The following TENT5D variants were observed in gnomAD, a reference collection of about 807,000 sequenced individuals.
TENT5D encodes terminal nucleotidyltransferase 5D.
For synonymous variants in TENT5D, 103 were observed against 100.6 expected, an observed-to-expected ratio of 1.02 and a Z score of -0.15; for missense variants, 191 against 287.0, an observed-to-expected ratio of 0.67 and a Z score of 2.42.
chrX:80,435,166 A>AT (rs1932161965), intron 1 of TENT5D, among the ~76,000 whole-genome samples: 1 of 111,900 alleles, frequency 8.9e-6, no homozygotes, highest in Non-Finnish European at 1.9e-5. Context: ...ATGATACAGT[A>AT]TTTTGTGATG....
intron 3 of TENT5D, among the ~76,000 whole-genome samples, chrX:80,360,641 A>T (rs1216711001): frequency 8.9e-6 from 1 of 111,881 alleles, no homozygotes; most frequent in Admixed American, 9.6e-5. Context: ...TTGGCTACAC[A>T]TGATATGAGA....
chrX:80,379,731 C>G (rs1365021501), intron 3 of TENT5D, among the ~76,000 whole-genome samples: 2 of 111,034 alleles, frequency 1.8e-5, no homozygotes, highest in Admixed American at 9.6e-5. Context: ...TCTAGATTTT[C>G]TAGTTTATTT....
intron 3 of TENT5D, among the ~76,000 whole-genome samples, chrX:80,370,685 GTTTATA>G (rs1254176552): frequency 1.8e-5 from 2 of 110,850 alleles, no homozygotes; most frequent in African/African-American, 3.3e-5. Context: ...ATAAATCTTT[GTTTATA>G]TTTATTTTTT....
chrX:80,379,291 A>T (rs1180596818), intron 3 of TENT5D, among the ~76,000 whole-genome samples: 1 of 109,417 alleles, frequency 9.1e-6, no homozygotes, highest in Non-Finnish European at 1.9e-5. Context: ...CATCCCAGGG[A>T]TTAAGCCAAC....
At chrX:80,442,776 C>G in exon 3 of TENT5D, 4 of 1,211,152 alleles carry the variant, frequency 3.3e-6, no homozygotes, top group Non-Finnish European at 4.5e-6. Flanking sequence ...ATGGAATCAG[C>G]TATAAGGATC....
At chrX:80,420,975 T>C (rs1931871172) in intron 1 of TENT5D, among the ~76,000 whole-genome samples, 1 of 112,120 alleles carries the variant, frequency 8.9e-6, no homozygotes, top group Non-Finnish European at 1.9e-5. Flanking sequence ...AAACTTTAAT[T>C]TGTTTCTGAA....
rs770478133 is a variant in TENT5D at position 80,392,209 on chromosome X, A to C, written c.-141-46401A>C. ...GAGCTTGGCAAGTTTAGTGTCCTTT[A>C]CTTTTCAGCTCTTTGTGATGTGTTT... is the stretch of plus-strand genomic sequence containing the variant. On this transcript the variant is annotated intron_variant, in intron 3 of 4. Transcript: ENST00000538312. Among the ~76,000 whole-genome samples, 4 of 111,430 alleles carry C rather than the reference A, an allele frequency of 3.6e-5. No homozygotes were observed. The South Asian group carries it at 1.5e-3, about 42-fold the overall frequency.
intron 3 of TENT5D, among the ~76,000 whole-genome samples, chrX:80,364,991 G>A (rs1484909717): frequency 9.1e-6 from 1 of 110,294 alleles, no homozygotes; most frequent in East Asian, 2.8e-4. Flanking sequence ...TTATCAGGAT[G>A]GAGAGCATAA....
At chrX:80,380,709 G>A (rs1230476380) in intron 3 of TENT5D, among the ~76,000 whole-genome samples, 1 of 111,678 alleles carries the variant, frequency 9.0e-6, no homozygotes, top group Non-Finnish European at 1.9e-5. Flanking sequence ...TTACCATTAT[G>A]TAATGGCCTT....
chrX:80,341,917 TAGCC>T (rs1214291142), intron 2 of TENT5D, among the ~76,000 whole-genome samples: 3 of 107,537 alleles, frequency 2.8e-5, no homozygotes, highest in African/African-American at 1.0e-4. Context: ...TTCACCGTGT[TAGCC>T]AGGATGGTCT....
chrX:80,354,747 C>T (rs1462610949), intron 3 of TENT5D, among the ~76,000 whole-genome samples: 2 of 111,985 alleles, frequency 1.8e-5, no homozygotes, highest in African/African-American at 6.5e-5. Context: ...GGAAGGAAAA[C>T]ACTCTGGCTT....
intron 3 of TENT5D, among the ~76,000 whole-genome samples, chrX:80,410,819 C>G (rs1170991491): frequency 5.6e-5 from 6 of 107,979 alleles, no homozygotes; most frequent in Non-Finnish European, 7.7e-5. Flanking sequence ...GCATTATTCA[C>G]AATAGCAAAG....
At chrX:80,429,993 CT>C (rs777917109) in intron 1 of TENT5D, among the ~76,000 whole-genome samples, 46 of 102,344 alleles carry the variant, frequency 4.5e-4, no homozygotes, top group East Asian at 9.1e-4. Context: ...GGGGATCCTG[CT>C]TTTTTTTTTT....
intron 3 of TENT5D, among the ~76,000 whole-genome samples, chrX:80,377,133 T>A (rs1034602158): frequency 8.9e-6 from 1 of 111,851 alleles, no homozygotes; most frequent in Admixed American, 9.5e-5. Flanking sequence ...TATCAAATAA[T>A]TGGCAATGAT....
intron 3 of TENT5D, among the ~76,000 whole-genome samples, chrX:80,409,553 C>T (rs1931591472): frequency 9.1e-6 from 1 of 110,153 alleles, no homozygotes; most frequent in African/African-American, 3.3e-5. Context: ...TGTGAAGGAC[C>T]TCTTCAAGCA....
At chrX:80,406,022 G>C (rs1188927752) in intron 3 of TENT5D, among the ~76,000 whole-genome samples, 1 of 108,269 alleles carries the variant, frequency 9.2e-6, no homozygotes, top group Non-Finnish European at 1.9e-5. Flanking sequence ...TATTCCAACA[G>C]ACCTGCAGCT....
intron 1 of TENT5D, among the ~76,000 whole-genome samples, chrX:80,429,390 C>T (rs947974017): frequency 1.8e-5 from 2 of 110,914 alleles, no homozygotes; most frequent in Non-Finnish European, 3.8e-5. Flanking sequence ...GAAACCTCCA[C>T]GTCCTGGGTT....
intron 3 of TENT5D, among the ~76,000 whole-genome samples, chrX:80,398,624 T>C (rs1426727208): frequency 1.8e-5 from 2 of 111,280 alleles, no homozygotes; most frequent in African/African-American, 6.5e-5. Flanking sequence ...TCCTCGTGTA[T>C]ATGGATATCT....
rs1021246838 is a variant in TENT5D at position 80,443,795 on chromosome X, T to C, written c.*86T>C. 7.2e-5 allele frequency: 62 copies of C among 859,102 alleles called. No individual in the cohort carries two copies. The African/African-American group carries it at 1.2e-3, about 16-fold the overall frequency. The allele number at this position is 859,102 out of a possible 1,213,427, so 70.8% of individuals were successfully genotyped here. On this transcript the variant is annotated 3_prime_UTR_variant, in exon 3 of 3. Coordinates refer to ENST00000308293, the Ensembl canonical transcript of TENT5D. Reference sequence around the variant, plus strand: ...CCAAATGTAAAATTCAAGATCTGTTTTTATTTTTGTACAGTTACCAATTAT... The same window carrying C: ...CCAAATGTAAAATTCAAGATCTGTTCTTATTTTTGTACAGTTACCAATTAT...
Sources: gnomAD v4.1 joint callset for allele counts (sites outside exome capture counted in the v4.1 genomes callset) on GRCh38, gnomAD v4.1.1 for gene constraint, MANE v1.5 for transcripts, NCBI Gene and HGNC (gene_info 2026-07-23, HGNC 2026-07-21) for gene names.